The following KCNH8 variants were observed in gnomAD, a reference collection of about 807,000 sequenced individuals.
The protein encoded by KCNH8 is potassium voltage-gated channel subfamily H member 8, also known as voltage-gated delayed rectifier potassium channel KCNH8.
In KCNH8, 70 loss-of-function variants were observed where a neutral mutation model predicts 103.6. That is an observed-to-expected ratio of 0.68 (90% CI 0.56 to 0.82). The LOEUF is 0.82. Among genes scored for constraint, KCNH8 ranks in the 40% least tolerant of loss-of-function variants. The pLI is 0.00. For synonymous variants in KCNH8, 498 were observed against 489.4 expected (o/e 1.02, Z -0.23); for missense variants, 1,217 against 1,329.9 (o/e 0.92, Z 1.32).
chr3:19,502,619 G>A (rs969919522), intron 11 of KCNH8, among the ~76,000 whole-genome samples: 47 of 151,946 alleles, frequency 3.1e-4, no homozygotes, highest in Non-Finnish European at 5.9e-4. Context: ...CAGAAATAAC[G>A]CCACATATCT....
At chr3:19,294,073 A>T (rs892544251) in intron 3 of KCNH8, among the ~76,000 whole-genome samples, 2 of 151,890 alleles carry the variant, frequency 1.3e-5, no homozygotes, top group Non-Finnish European at 2.9e-5. Flanking sequence ...CCTTAGTCTT[A>T]GCCTCTCTAA....
intron 1 of KCNH8, among the ~76,000 whole-genome samples, chr3:19,216,062 C>G (rs539056375): frequency 2.1e-4 from 32 of 152,310 alleles, no homozygotes; most frequent in African/African-American, 7.0e-4. Context: ...GTTCAAGAAA[C>G]CTAGTTCCTC....
At chr3:19,338,202 C>T (rs961999952) in intron 3 of KCNH8, among the ~76,000 whole-genome samples, 1 of 151,974 alleles carries the variant, frequency 6.6e-6, no homozygotes, top group Non-Finnish European at 1.5e-5. Context: ...TTCTAGTTTC[C>T]CTTTTTACCT....
chr3:19,404,959 T>C (rs776509340), intron 7 of KCNH8, among the ~76,000 whole-genome samples: 1 of 151,926 alleles, frequency 6.6e-6, no homozygotes, highest in Admixed American at 6.6e-5. Flanking sequence ...TATTGTACTT[T>C]AAAATTTGGG....
At chr3:19,513,793 T>C (rs1177118126) in intron 13 of KCNH8, among the ~76,000 whole-genome samples, 1 of 152,134 alleles carries the variant, frequency 6.6e-6, no homozygotes, top group Non-Finnish European at 1.5e-5. Context: ...TAAAACTTAG[T>C]TTTATTTCTG....
chr3:19,394,686 G>C (rs529924098), intron 6 of KCNH8, among the ~76,000 whole-genome samples: 3 of 151,844 alleles, frequency 2.0e-5, no homozygotes, highest in Non-Finnish European at 2.9e-5. Context: ...ACTTCAATTT[G>C]TCTGAATTAT....
At chr3:19,158,190 A>G (rs1351257124) in intron 1 of KCNH8, among the ~76,000 whole-genome samples, 2 of 151,546 alleles carry the variant, frequency 1.3e-5, no homozygotes, top group Non-Finnish European at 3.0e-5. Context: ...TAAGAATTGG[A>G]CAAATTTCCT....
chr3:19,335,553 G>T (rs1312575664), intron 3 of KCNH8, among the ~76,000 whole-genome samples: 1 of 149,720 alleles, frequency 6.7e-6, no homozygotes, highest in Non-Finnish European at 1.5e-5. Context: ...TTCCAGAGTT[G>T]TAGATGTATT....
chr3:19,464,118 A>G (rs2067689080), intron 11 of KCNH8, among the ~76,000 whole-genome samples: 1 of 152,148 alleles, frequency 6.6e-6, no homozygotes, highest in South Asian at 2.1e-4. Context: ...ACAAAATTTG[A>G]GGATTTATGC....
At chr3:19,410,878 CAAAA>C (rs4021206) in intron 7 of KCNH8, among the ~76,000 whole-genome samples, 1 of 63,352 alleles carries the variant, frequency 1.6e-5, no homozygotes. Flanking sequence ...GCCTACCAAG[CAAAA>C]AAAAAAAAAA....
intron 1 of KCNH8, among the ~76,000 whole-genome samples, chr3:19,239,384 G>T (rs988218720): frequency 6.6e-6 from 1 of 152,124 alleles, no homozygotes; most frequent in African/African-American, 2.4e-5. Flanking sequence ...CCCGGATGGT[G>T]AGAACATTTC....
At chr3:19,387,043 A>G (rs995438334) in intron 5 of KCNH8, among the ~76,000 whole-genome samples, 1 of 152,140 alleles carries the variant, frequency 6.6e-6, no homozygotes, top group Non-Finnish European at 1.5e-5. Flanking sequence ...ATTTATAAAC[A>G]TTGAGTTATC....
chr3:19,362,618 C>T (rs995100974), intron 5 of KCNH8, among the ~76,000 whole-genome samples: 1 of 152,088 alleles, frequency 6.6e-6, no homozygotes, highest in Non-Finnish European at 1.5e-5. Flanking sequence ...GTGGCATGTT[C>T]AAGGTCATCA....
intron 3 of KCNH8, among the ~76,000 whole-genome samples, chr3:19,288,181 CTTTTTTTTT>C (rs767659898): frequency 2.3e-3 from 88 of 38,174 alleles, no homozygotes; most frequent in Admixed American, 4.6e-3. Flanking sequence ...TATCAAACTT[CTTTTTTTTT>C]TTTTTTTTTT....
At chr3:19,326,858 T>A (rs982448881) in intron 3 of KCNH8, among the ~76,000 whole-genome samples, 9 of 152,182 alleles carry the variant, frequency 5.9e-5, no homozygotes, top group Non-Finnish European at 8.8e-5. Context: ...GTGGTTCTTA[T>A]GTTTCATATG....
intron 12 of KCNH8, among the ~76,000 whole-genome samples, chr3:19,511,920 A>G (rs2068789837): frequency 6.6e-6 from 1 of 152,182 alleles, no homozygotes; most frequent in African/African-American, 2.4e-5. Context: ...CATATACACC[A>G]AAAAATCCGT....
At chr3:19,475,248 C>T (rs1367777437) in intron 11 of KCNH8, among the ~76,000 whole-genome samples, 2 of 152,140 alleles carry the variant, frequency 1.3e-5, no homozygotes, top group African/African-American at 2.4e-5. Context: ...TGAAAAGAGG[C>T]TTCATGTGTA....
intron 3 of KCNH8, among the ~76,000 whole-genome samples, chr3:19,342,247 A>G (rs2065670264): frequency 6.6e-6 from 1 of 152,104 alleles, no homozygotes; most frequent in Non-Finnish European, 1.5e-5. Flanking sequence ...TTTTCTGGAA[A>G]GAATGTTTTT....
chr3:19,471,374 A>T (rs1011925039), intron 11 of KCNH8, among the ~76,000 whole-genome samples: 1 of 152,072 alleles, frequency 6.6e-6, no homozygotes, highest in Non-Finnish European at 1.5e-5. Context: ...GAAGAGGGGG[A>T]TGTGGAGCAA....
Sources: allele counts gnomAD v4.1 joint callset (sites outside exome capture counted in the v4.1 genomes callset), GRCh38; gene constraint gnomAD v4.1.1; transcripts MANE v1.5; gene names NCBI Gene and HGNC (gene_info 2026-07-23, HGNC 2026-07-21).